LRRC8D: variants seen among roughly 807,000 people sequenced by gnomAD.
The protein encoded by LRRC8D is volume-regulated anion channel subunit LRRC8D.
Under a neutral mutation model 55.8 loss-of-function variants are expected in LRRC8D, and 20 were observed. The observed-to-expected ratio is 0.36, with a 90% confidence interval of 0.25 to 0.52. The LOEUF is 0.52. Among genes scored for constraint, LRRC8D ranks in the 20% least tolerant of loss-of-function variants. The probability of loss-of-function intolerance (pLI) is 0.93; values close to 1 mark genes in which losing one functional copy is unlikely to be tolerated. For synonymous variants in LRRC8D, 352 were observed against 377.0 expected, an observed-to-expected ratio of 0.93 and a Z score of 0.77; for missense variants, 651 against 1,030.8, an observed-to-expected ratio of 0.63 and a Z score of 5.05.
At chr1:89,894,540 AC>A (rs1295542913) in intron 2 of LRRC8D, among the ~76,000 whole-genome samples, 6 of 152,338 alleles carry the variant, frequency 3.9e-5, no homozygotes, top group African/African-American at 1.2e-4. Context: ...GGCAAGCTGA[AC>A]TTAAATCTTT....
intron 2 of LRRC8D, among the ~76,000 whole-genome samples, chr1:89,854,650 A>G (rs1661505886): frequency 6.6e-6 from 1 of 152,188 alleles, no homozygotes; most frequent in African/African-American, 2.4e-5. Context: ...TGTAGCTCTC[A>G]GAACTTCTGT....
intron 2 of LRRC8D, among the ~76,000 whole-genome samples, chr1:89,904,707 A>G (rs905572282): frequency 1.3e-5 from 2 of 152,172 alleles, no homozygotes; most frequent in African/African-American, 4.8e-5. Context: ...TTAGTAGAAA[A>G]CACGTCAGTT....
chr1:89,920,335 A>G (rs970091966), intron 2 of LRRC8D, among the ~76,000 whole-genome samples: 9 of 152,172 alleles, frequency 5.9e-5, no homozygotes, highest in African/African-American at 1.9e-4. Context: ...TGAATTTTCT[A>G]TAGTCCTTTT....
At chr1:89,866,285 G>A (rs776310922) in intron 2 of LRRC8D, among the ~76,000 whole-genome samples, 43 of 152,300 alleles carry the variant, frequency 2.8e-4, no homozygotes, top group Middle Eastern at 3.4e-3. Context: ...AGCACCCCAG[G>A]AGTACTGATC....
rs74098609 is a variant in LRRC8D, at chr1:89,843,812, G to A, written c.-3+30G>A. 3.0e-3 allele frequency: 1,938 copies of A among 640,734 alleles called. 37 individuals are homozygous for A. In the African/African-American group the frequency reaches 0.031, roughly 10 times the overall value. The allele number at this position is 640,734 out of a possible 1,614,324, so 39.7% of individuals were successfully genotyped here. ...GCGGGGTCGGGTCTGGGTCCAGGGA[G>A]CGGGTCGGGAAGTCTGCGGCACGGA... On this transcript the variant is annotated intron_variant, in intron 2 of 2. Transcript: ENST00000337338.
At chr1:89,910,040 G>A (rs996621921) in intron 2 of LRRC8D, among the ~76,000 whole-genome samples, 1 of 152,082 alleles carries the variant, frequency 6.6e-6, no homozygotes, top group Non-Finnish European at 1.5e-5. Flanking sequence ...CGAACCAGTA[G>A]GCCTAAGTGA....
At chr1:89,896,830 A>G (rs566800665) in intron 2 of LRRC8D, among the ~76,000 whole-genome samples, 166 of 152,318 alleles carry the variant, frequency 1.1e-3, no homozygotes, top group African/African-American at 3.3e-3. Context: ...CTAAATCTAT[A>G]TAGTGCGAAA....
chr1:89,836,993 G>A (rs1661018625), intron 1 of LRRC8D, among the ~76,000 whole-genome samples: 1 of 152,094 alleles, frequency 6.6e-6, no homozygotes, highest in South Asian at 2.1e-4. Flanking sequence ...TTTGTTTCTA[G>A]CCTGCTTAAC....
chr1:89,825,310 C>G (rs1156515475), intron 1 of LRRC8D, among the ~76,000 whole-genome samples: 1 of 152,188 alleles, frequency 6.6e-6, no homozygotes, highest in Admixed American at 6.5e-5. Flanking sequence ...AAATGCCAGG[C>G]CACATGGCAT....
intron 2 of LRRC8D, among the ~76,000 whole-genome samples, chr1:89,860,443 T>G (rs1661672469): frequency 6.6e-6 from 1 of 152,014 alleles, no homozygotes; most frequent in African/African-American, 2.4e-5. Flanking sequence ...CCAGGGCTCT[T>G]TACTCTTACA....
At chr1:89,830,701 C>T (rs958907281) in intron 1 of LRRC8D, among the ~76,000 whole-genome samples, 1 of 152,126 alleles carries the variant, frequency 6.6e-6, no homozygotes, top group Non-Finnish European at 1.5e-5. Context: ...GCCAGGTCTT[C>T]TGATTTTTCA....
rs76048990 is a variant in LRRC8D, at chr1:89,898,892, A to T, written c.-2-34175A>T. Among the ~76,000 whole-genome samples the T allele has an allele frequency of 8.5e-5, 13 of 152,364 alleles. No homozygotes were observed. In the East Asian group the frequency reaches 2.5e-3, roughly 29 times the overall value. ...TTGTGTTTCCATCTCTATGAAAGCC[A>T]GTGTTGAGTAACTCAAAAGCAGTGT... On this transcript the variant is annotated intron_variant, in intron 2 of 2. Transcript: ENST00000337338.
intron 2 of LRRC8D, among the ~76,000 whole-genome samples, chr1:89,915,561 G>A (rs1265023303): frequency 6.6e-6 from 1 of 152,214 alleles, no homozygotes; most frequent in Non-Finnish European, 1.5e-5. Context: ...CAGTGGATGT[G>A]CCAGGAATGG....
intron 2 of LRRC8D, among the ~76,000 whole-genome samples, chr1:89,909,460 G>A (rs1663076033): frequency 6.6e-6 from 1 of 151,618 alleles, no homozygotes; most frequent in Non-Finnish European, 1.5e-5. Flanking sequence ...TATTTTACCA[G>A]TGCCATTTTT....
At chr1:89,910,643 C>T (rs939767153) in intron 2 of LRRC8D, among the ~76,000 whole-genome samples, 3 of 152,050 alleles carry the variant, frequency 2.0e-5, no homozygotes, top group Non-Finnish European at 2.9e-5. Flanking sequence ...TCAGTCAGAT[C>T]TGGGTTTGAA....
intron 2 of LRRC8D, among the ~76,000 whole-genome samples, chr1:89,862,414 T>G (rs1378701814): frequency 6.6e-6 from 1 of 152,230 alleles, no homozygotes; most frequent in African/African-American, 2.4e-5. Context: ...TTATTGTTCT[T>G]CATAAGAGAT....
Position 89,933,618 on chromosome 1 carries a change from T to C in LRRC8D, c.550T>C (p.Phe184Leu). 6.2e-7 allele frequency: 1 copy of C among 1,614,150 alleles called. No individual in the cohort carries two copies. Among genetic ancestry groups the C allele is most frequent in the East Asian group, 2.2e-5 (1 of 44,886 alleles). The change falls in exon 3 of 3, where the codon TTC becomes CTC. Residue 184 changes from phenylalanine to leucine, a missense_variant. Phe to Leu is a conservative substitution (Grantham distance 22). Coordinates refer to ENST00000337338, the MANE Select transcript of LRRC8D (RefSeq NM_001134479.2). This position sits in a 1 kb window ranked among gnomAD's most constrained non-coding sequence, Gnocchi z 7.0. ...TCTCATGGTCAGTAGCAACTTTTGG[T>C]TCAAATATCCCAAAACATGCTCAAA... ...IILMVSSNFW[F>L]KYPKTCSKVE...
intron 1 of LRRC8D, among the ~76,000 whole-genome samples, chr1:89,823,423 T>C (rs1301650285): frequency 6.6e-6 from 1 of 152,262 alleles, no homozygotes; most frequent in Non-Finnish European, 1.5e-5. Flanking sequence ...AAATTAATTT[T>C]AGAAAATTCT....
chr1:89,922,461 G>A (rs538847355), intron 2 of LRRC8D, among the ~76,000 whole-genome samples: 2 of 152,300 alleles, frequency 1.3e-5, no homozygotes, highest in African/African-American at 4.8e-5. Flanking sequence ...TATGTGCGTG[G>A]TGCTACATGC....
Sources: gnomAD v4.1 joint callset for allele counts (sites outside exome capture counted in the v4.1 genomes callset) on GRCh38, gnomAD v4.1.1 for gene constraint, Gnocchi (gnomAD v3.1) non-coding constraint, MANE v1.5 for transcripts, NCBI Gene and HGNC (gene_info 2026-07-23, HGNC 2026-07-21) for gene names.